Variants in DNAH14 observed in about 807,000 individuals in gnomAD.
The protein encoded by DNAH14 is dynein axonemal heavy chain 14.
In DNAH14, 478 loss-of-function variants were observed where a neutral mutation model predicts 520.9. That is an observed-to-expected ratio of 0.92 (90% CI 0.85 to 0.99). The LOEUF is 0.99. Ranked by LOEUF, DNAH14 falls within the 50% of genes least tolerant of loss-of-function variation. DNAH14 has a pLI of 0.00. For synonymous variants in DNAH14, 1,581 were observed against 1,757.2 expected, an observed-to-expected ratio of 0.90 and a Z score of 2.51; for missense variants, 4,831 against 5,234.5, an observed-to-expected ratio of 0.92 and a Z score of 2.38.
chr1:225,020,575 T>A (rs1053227949), intron 10 of DNAH14, among the ~76,000 whole-genome samples: 1 of 142,452 alleles, frequency 7.0e-6, no homozygotes, highest in African/African-American at 2.6e-5. Flanking sequence ...CTACAAGAAA[T>A]TAAATTCCTG....
At chr1:225,067,503 A>G (rs2071034674) in intron 17 of DNAH14, among the ~76,000 whole-genome samples, 1 of 152,108 alleles carries the variant, frequency 6.6e-6, no homozygotes, top group Admixed American at 6.6e-5. Flanking sequence ...TGCTGGGTCA[A>G]ATGGTAGTTT....
intron 36 of DNAH14, among the ~76,000 whole-genome samples, chr1:225,170,583 T>C (rs2082522456): frequency 6.6e-6 from 1 of 152,164 alleles, no homozygotes; most frequent in Non-Finnish European, 1.5e-5. Flanking sequence ...CCTAAATATA[T>C]ATGCAGCCAA....
chr1:225,319,699 G>A (rs2094526724), intron 61 of DNAH14, among the ~76,000 whole-genome samples: 1 of 152,116 alleles, frequency 6.6e-6, no homozygotes, highest in Non-Finnish European at 1.5e-5. Flanking sequence ...AATATCTTGA[G>A]CACACATTAA....
intron 1 of DNAH14, among the ~76,000 whole-genome samples, chr1:224,952,130 C>A (rs2060217756): frequency 6.6e-6 from 1 of 152,134 alleles, no homozygotes; most frequent in African/African-American, 2.4e-5. Flanking sequence ...TATTTAGAGA[C>A]TTTCTGTATC....
intron 8 of DNAH14, among the ~76,000 whole-genome samples, chr1:224,995,910 C>T (rs1216853261): frequency 6.6e-6 from 1 of 151,940 alleles, no homozygotes; most frequent in African/African-American, 2.4e-5. Context: ...ATTTCTTAGT[C>T]AGACTTCTAA....
intron 42 of DNAH14, among the ~76,000 whole-genome samples, chr1:225,237,141 A>C (rs1302375186): frequency 2.6e-5 from 4 of 152,018 alleles, no homozygotes; most frequent in Admixed American, 6.6e-5. Flanking sequence ...TCTTGTGTGA[A>C]TTTAATCCTG....
chr1:225,340,285 A>G (rs1037103265), intron 68 of DNAH14, among the ~76,000 whole-genome samples, 172 bp from the exon 69 acceptor site: 1 of 152,194 alleles, frequency 6.6e-6, no homozygotes, highest in African/African-American at 2.4e-5. Context: ...TAAGACTTCA[A>G]TGCAAATGTA....
chr1:225,308,229 G>T (rs2094289102), intron 59 of DNAH14, 56 bp from the exon 60 acceptor site: 1 of 1,473,942 alleles, frequency 6.8e-7, no homozygotes, highest in East Asian at 2.6e-5. Flanking sequence ...TGCTCTTTTA[G>T]AAAAGAGATC....
intron 12 of DNAH14, among the ~76,000 whole-genome samples, chr1:225,041,583 A>G (rs556157054): frequency 3.8e-4 from 58 of 152,302 alleles, no homozygotes; most frequent in African/African-American, 1.3e-3. Context: ...CCTTTGACAA[A>G]TTAAGCTTTC....
intron 15 of DNAH14, among the ~76,000 whole-genome samples, chr1:225,048,906 GC>G (rs2068216467): frequency 6.6e-6 from 1 of 152,182 alleles, no homozygotes; most frequent in East Asian, 1.9e-4. Flanking sequence ...AAAGCTTTTA[GC>G]CTTCTAATAG....
chr1:225,138,928 G>A (rs553110786), intron 27 of DNAH14, among the ~76,000 whole-genome samples: 55 of 152,238 alleles, frequency 3.6e-4, no homozygotes, highest in African/African-American at 1.0e-3. Context: ...CGTGAGTGTC[G>A]TGGACTGCAG....
At chr1:224,973,161 G>T (rs1022985842) in intron 7 of DNAH14, among the ~76,000 whole-genome samples, 1 of 152,238 alleles carries the variant, frequency 6.6e-6, no homozygotes, top group African/African-American at 2.4e-5. Context: ...CAAGGCCTCA[G>T]GTGGGCCTGT....
At chr1:225,378,450 A>T (rs1032045889) in intron 79 of DNAH14, among the ~76,000 whole-genome samples, 2 of 152,214 alleles carry the variant, frequency 1.3e-5, no homozygotes, top group African/African-American at 4.8e-5. Flanking sequence ...CAAAGTAAGG[A>T]GCCATGTGAC....
At chr1:225,255,477 G>A (rs1370874202) in intron 44 of DNAH14, among the ~76,000 whole-genome samples, 2 of 152,112 alleles carry the variant, frequency 1.3e-5, no homozygotes, top group Admixed American at 1.3e-4. Context: ...CTCTCTATGT[G>A]AAGGTGAACT....
intron 41 of DNAH14, among the ~76,000 whole-genome samples, chr1:225,221,291 G>A (rs1157574614): frequency 1.3e-5 from 2 of 152,108 alleles, no homozygotes; most frequent in Non-Finnish European, 2.9e-5. Context: ...GGCAACAAAA[G>A]CCAAAATTGA....
chr1:225,080,578 TC>T lies in DNAH14; in HGVS notation c.2967del (p.Ser990LeufsTer7). On this transcript the variant is annotated frameshift_variant, in exon 19 of 86. Transcript: ENST00000682510. LOFTEE classifies it high-confidence loss of function. ...ATTACACAGATTGTGCTTTCAGAGATCTCTGACATTGAAGGTGACTTGACTT... is the reference window on the plus strand; with the variant it reads ...ATTACACAGATTGTGCTTTCAGAGATTCTGACATTGAAGGTGACTTGACTT... The part of the protein sequence containing the change: ...EEITQIVLSE[I>X]SDIEGDLTLR... 6.4e-7 allele frequency: 1 copy of T among 1,552,104 alleles called. No individual in the cohort carries two copies. Among genetic ancestry groups the T allele is most frequent in the Non-Finnish European group, 8.7e-7 (1 of 1,147,072 alleles).
intron 27 of DNAH14, among the ~76,000 whole-genome samples, chr1:225,135,839 T>C (rs565409686): frequency 6.6e-6 from 1 of 150,598 alleles, no homozygotes; most frequent in Non-Finnish European, 1.5e-5. Flanking sequence ...AGCTGGGTCC[T>C]CCTGTTTTGG....
chr1:225,188,568 T>C (rs2085029669), intron 37 of DNAH14, among the ~76,000 whole-genome samples: 1 of 151,998 alleles, frequency 6.6e-6, no homozygotes, highest in African/African-American at 2.4e-5. Context: ...CCTTGGAATG[T>C]ATCCCCTGGG....
chr1:225,103,716 C>T (rs1349558473), intron 23 of DNAH14, among the ~76,000 whole-genome samples: 1 of 152,146 alleles, frequency 6.6e-6, no homozygotes, highest in South Asian at 2.1e-4. Context: ...TATAAGAACG[C>T]TTGTGATTTT....
Sources: gnomAD v4.1 joint callset for allele counts (sites outside exome capture counted in the v4.1 genomes callset) on GRCh38, gnomAD v4.1.1 for gene constraint, MANE v1.5 for transcripts, NCBI Gene and HGNC (gene_info 2026-07-23, HGNC 2026-07-21) for gene names.